KSR2: variants seen among roughly 807,000 people sequenced by gnomAD.
The protein encoded by KSR2 is kinase suppressor of ras 2.
Under a neutral mutation model 107.8 loss-of-function variants are expected in KSR2, and 25 were observed. The ratio of observed to expected loss-of-function variants is 0.23; its 90% CI spans 0.17 to 0.32. The LOEUF is 0.32. KSR2 is among the 10% of genes least tolerant of loss of function. The pLI is 1.00. For synonymous variants in KSR2, 480 were observed against 507.0 expected (o/e 0.95, Z 0.71); for missense variants, 887 against 1,268.9 (o/e 0.70, Z 4.57).
chr12:117,903,735 G>A (rs1894758605), intron 1 of KSR2, among the ~76,000 whole-genome samples: 1 of 152,206 alleles, frequency 6.6e-6, no homozygotes. Context: ...GCCGGGCACT[G>A]TGGCTCATGA....
chr12:117,569,240 C>A (rs775413025), intron 7 of KSR2, among the ~76,000 whole-genome samples: 1 of 152,150 alleles, frequency 6.6e-6, no homozygotes, highest in South Asian at 2.1e-4. Context: ...TCAAGATGTG[C>A]TTGGTTTTGC....
At chr12:117,579,941 G>A (rs1021116108) in intron 6 of KSR2, among the ~76,000 whole-genome samples, 1 of 152,162 alleles carries the variant, frequency 6.6e-6, no homozygotes. Flanking sequence ...TATTGCCAGG[G>A]TGCTTTCTTC....
At chr12:117,901,792 T>C (rs905744062) in intron 1 of KSR2, among the ~76,000 whole-genome samples, 1 of 152,152 alleles carries the variant, frequency 6.6e-6, no homozygotes, top group Non-Finnish European at 1.5e-5. Flanking sequence ...CATATGCCGC[T>C]GGGTGGGTTT....
chr12:117,848,841 GTGATGGTGATGA>G (rs1892812397), intron 3 of KSR2, among the ~76,000 whole-genome samples: 1 of 141,780 alleles, frequency 7.1e-6, no homozygotes, highest in South Asian at 2.5e-4. Context: ...GGTAGTGGTG[GTGATGGTGATGA>G]TGGTGATGAT....
chr12:117,867,926 C>T (rs1255170308), intron 1 of KSR2, among the ~76,000 whole-genome samples: 1 of 152,210 alleles, frequency 6.6e-6, no homozygotes, highest in Non-Finnish European at 1.5e-5. Flanking sequence ...CAAAGCCCAC[C>T]TCAAATGCCA....
Position 117,531,011 on chromosome 12 carries a change from C to T in KSR2, c.1732G>A (p.Val578Met), listed in dbSNP as rs1035682049. Residue 578 changes from valine to methionine, a missense_variant and splice_region_variant, in exon 12 of 20, where the codon GTG (valine) becomes ATG (methionine). Val to Met is a conservative substitution (Grantham distance 21). Coordinates refer to ENST00000339824, the MANE Select transcript of KSR2 (RefSeq NM_173598.6). ...GTCGGCGTCTCCGGCACCGGCACCA[C>T]ATCTGAAAACCAGAGATTGAACACT... is the stretch of plus-strand genomic sequence containing the variant. The part of the protein sequence containing the change: ...KYKQQFIFPD[V>M]VPVPETPTRA... 6.2e-7 allele frequency: 1 copy of T among 1,613,308 alleles called. No homozygotes were observed. Among genetic ancestry groups the T allele is most frequent in the Non-Finnish European group, 8.5e-7 (1 of 1,179,596 alleles).
intron 1 of KSR2, among the ~76,000 whole-genome samples, chr12:117,939,723 A>C (rs370104572): frequency 4.7e-4 from 68 of 145,956 alleles, no homozygotes; most frequent in African/African-American, 1.7e-3. Flanking sequence ...AACAAAAAAC[A>C]AAAAACAAAA....
intron 4 of KSR2, among the ~76,000 whole-genome samples, chr12:117,734,294 A>G (rs1351566208): frequency 1.3e-5 from 2 of 152,012 alleles, no homozygotes; most frequent in East Asian, 3.9e-4. Context: ...AAAAAAAAAA[A>G]AAAAAAGAGA....
Position 117,457,240 on chromosome 12 carries a change from C to G in KSR2, c.*9959G>C, listed in dbSNP as rs1566113385. On this transcript the variant is annotated 3_prime_UTR_variant, in exon 20 of 20. Coordinates refer to ENST00000339824, the MANE Select transcript of KSR2 (RefSeq NM_173598.6). ...TCCCTGCAATGTTCACTTAAGGAGT[C>G]CCCTCCTTGTGTTTTCCTGTTCTCC... 1.3e-5 allele frequency: 2 copies of G among 152,222 alleles called. No individual in the cohort carries two copies. Among genetic ancestry groups the G allele is most frequent in the Non-Finnish European group, 2.9e-5 (2 of 68,058 alleles). The allele number at this position is 152,222 out of a possible 1,614,324, so 9.4% of individuals were successfully genotyped here. A position where few individuals can be genotyped will look rare whatever the true frequency, so the allele number is the denominator to read the frequency against.
intron 5 of KSR2, among the ~76,000 whole-genome samples, chr12:117,656,922 G>GTATACAT (rs1205589547): frequency 9.7e-6 from 1 of 102,930 alleles, no homozygotes; most frequent in Non-Finnish European, 1.8e-5. Context: ...GTGTGTGTGT[G>GTATACAT]TATACATATA....
chr12:117,774,722 T>C (rs910054819), intron 3 of KSR2, among the ~76,000 whole-genome samples: 1 of 152,226 alleles, frequency 6.6e-6, no homozygotes, highest in Non-Finnish European at 1.5e-5. Context: ...CACCACTTAG[T>C]ACATTCTCAA....
intron 1 of KSR2, among the ~76,000 whole-genome samples, chr12:117,935,958 T>C (rs1774384440): frequency 6.6e-6 from 1 of 152,166 alleles, no homozygotes; most frequent in South Asian, 2.1e-4. Context: ...ACCTTTTTCA[T>C]GAAGCCTGCT....
At chr12:117,792,848 G>C (rs867559045) in intron 3 of KSR2, among the ~76,000 whole-genome samples, 2 of 152,104 alleles carry the variant, frequency 1.3e-5, no homozygotes, top group Non-Finnish European at 1.5e-5. Context: ...GCAAATATTG[G>C]TTTGCATTGT....
chr12:117,930,050 AT>A (rs574964074), intron 1 of KSR2, among the ~76,000 whole-genome samples: 267 of 148,534 alleles, frequency 1.8e-3, no homozygotes, highest in East Asian at 9.9e-3. Flanking sequence ...TTTAAAAAAA[AT>A]TTTTTTTTTT....
intron 3 of KSR2, among the ~76,000 whole-genome samples, chr12:117,798,718 A>AC (rs545976554): frequency 0.055 from 6,021 of 108,604 alleles, 177 homozygotes; most frequent in East Asian, 0.11. Context: ...CCAAAAAAAA[A>AC]AAATATATAT....
chr12:117,516,348 T>C (rs1874376995), intron 14 of KSR2, among the ~76,000 whole-genome samples: 1 of 152,108 alleles, frequency 6.6e-6, no homozygotes, highest in South Asian at 2.1e-4. Context: ...TTGGCCAGGG[T>C]GCAAGCCAGG....
Position 117,961,325 on chromosome 12 carries a change from C to A in KSR2, c.180+6751G>T, listed in dbSNP as rs1435294578. On this transcript the variant is annotated intron_variant, in intron 1 of 19. Transcript: ENST00000339824. ...GCATGAGAGAATGGCCCGCCACCTG[C>A]AAACCAAGAACACCCTCCTTGGACT... Among the ~76,000 whole-genome samples the A allele has an allele frequency of 2.0e-5, 3 of 152,232 alleles. No homozygotes were observed. The East Asian group carries it at 5.8e-4, about 29-fold the overall frequency.
intron 14 of KSR2, among the ~76,000 whole-genome samples, chr12:117,516,019 A>T: frequency 6.6e-6 from 1 of 152,130 alleles, no homozygotes. Flanking sequence ...TCCTGACTTC[A>T]TGCTCCTCTG....
At chr12:117,666,033 T>C (rs1884645369) in intron 5 of KSR2, among the ~76,000 whole-genome samples, 1 of 152,170 alleles carries the variant, frequency 6.6e-6, no homozygotes, top group African/African-American at 2.4e-5. Context: ...TCTGGACAAA[T>C]TAATAAATTG....
Sources: allele counts gnomAD v4.1 joint callset (sites outside exome capture counted in the v4.1 genomes callset), GRCh38; gene constraint gnomAD v4.1.1; transcripts MANE v1.5; gene names NCBI Gene and HGNC (gene_info 2026-07-23, HGNC 2026-07-21).